Variants in EP400 observed in about 807,000 individuals in gnomAD.
The protein encoded by EP400 is E1A-binding protein p400.
EP400 carries 105 observed loss-of-function variants against 354.1 expected under a neutral mutation model. The observed-to-expected ratio is 0.30, with a 90% CI of 0.25 to 0.35. EP400 has a LOEUF of 0.35. EP400 is among the 10% of genes least tolerant of loss of function. The probability of loss-of-function intolerance (pLI) is 1.00; values close to 1 mark genes in which losing one functional copy is unlikely to be tolerated. For synonymous variants in EP400, 1,646 were observed against 1,716.9 expected, an observed-to-expected ratio of 0.96 and a Z score of 1.02; for missense variants, 3,280 against 4,121.0, an observed-to-expected ratio of 0.80 and a Z score of 5.59.
chr12:131,955,794 G>A (rs1891677873), intron 1 of EP400, among the ~76,000 whole-genome samples: 1 of 151,956 alleles, frequency 6.6e-6, no homozygotes. Context: ...ACAGGAACAT[G>A]CAACCATGCC....
intron 12 of EP400, among the ~76,000 whole-genome samples, chr12:132,003,744 A>G (rs957689674): frequency 1.3e-5 from 2 of 152,204 alleles, no homozygotes; most frequent in South Asian, 4.1e-4. Context: ...AACATCATGG[A>G]CACACCACCT....
rs766158955 is a variant in EP400, at chr12:131,994,913, C to T, written c.2784C>T (p.Gly928=). 3.0e-5 allele frequency: 49 copies of T among 1,613,900 alleles called. No individual in the cohort carries two copies. The highest frequency in any genetic ancestry group is 1.8e-4 in the Admixed American group (11 of 59,992). Residue 928 remains glycine (G), a synonymous_variant, in exon 12 of 53, where the codon GGC becomes GGT. Coordinates refer to ENST00000389561, the MANE Select transcript of EP400 (RefSeq NM_015409.5). The surrounding 1 kb of genome is among the most constrained non-coding windows in gnomAD (Gnocchi z 4.6). The part of the protein sequence containing the change: ...ETIEEEEANE[G]VVDHQTELSN... ...TTGAAGAGGAGGAAGCAAATGAAGG[C>T]GTTGTGGACCACCAAACAGAACTTT...
chr12:132,050,000 A>G (rs1008288151), intron 39 of EP400, among the ~76,000 whole-genome samples: 2 of 152,200 alleles, frequency 1.3e-5, no homozygotes, highest in African/African-American at 2.4e-5. Flanking sequence ...CGCTCCACAC[A>G]GTCACCTGCC....
At chr12:131,951,716 C>G (rs1053727190) in intron 1 of EP400, among the ~76,000 whole-genome samples, 2 of 152,100 alleles carry the variant, frequency 1.3e-5, no homozygotes, top group African/African-American at 4.8e-5. Flanking sequence ...ATTCTCCTGC[C>G]TCAGCATCCC....
At chr12:131,963,937 C>T (rs891843575) in intron 2 of EP400, among the ~76,000 whole-genome samples, 1 of 152,078 alleles carries the variant, frequency 6.6e-6, no homozygotes, top group African/African-American at 2.4e-5. Context: ...TCCTTGTGTG[C>T]TGTGTTTTCA....
chr12:132,045,349 G>C lies in EP400; in HGVS notation c.6815G>C (p.Gly2272Ala). The C allele has an allele frequency of 6.2e-7, 1 of 1,614,222 alleles. No individual in the cohort carries two copies. The highest frequency in any genetic ancestry group is 8.5e-7 in the Non-Finnish European group (1 of 1,180,044). ...GGCAGGAAGAAGAAGCAGCGTCACGGGGAGGCGGTCGTCCCTCCTCGGTCC... is the reference window on the plus strand; with the variant it reads ...GGCAGGAAGAAGAAGCAGCGTCACGCGGAGGCGGTCGTCCCTCCTCGGTCC... The part of the protein sequence containing the change: ...AAGRKKKQRH[G>A]EAVVPPRSLF... Residue 2272 changes from glycine (G) to alanine (A), a missense_variant, in exon 38 of 53, where the codon GGG becomes GCG. By Grantham distance (60) the Gly-to-Ala change is moderately conservative. This residue lies in a region of EP400 where 231 missense variants were observed against 257.9 expected (regional missense o/e 0.90). Transcript: ENST00000389561.
At chr12:132,024,105 G>A (rs1016039704) in intron 24 of EP400, among the ~76,000 whole-genome samples, 164 bp downstream of exon 24, 4 of 152,240 alleles carry the variant, frequency 2.6e-5, no homozygotes, top group African/African-American at 7.2e-5. Flanking sequence ...GCGAGATGAC[G>A]TTCATCAGCC....
At chr12:131,981,619 G>C (rs776276356) in intron 4 of EP400, 23 bp downstream of exon 4, 2 of 1,572,366 alleles carry the variant, frequency 1.3e-6, no homozygotes, top group South Asian at 1.2e-5. Flanking sequence ...AGCAGAGCCA[G>C]CTCCCCGCTC....
intron 1 of EP400, among the ~76,000 whole-genome samples, chr12:131,950,849 G>C (rs887919162): frequency 5.3e-5 from 8 of 152,330 alleles, no homozygotes; most frequent in Admixed American, 5.2e-4. Flanking sequence ...GACCTCCCGA[G>C]TGGTTGGGAC....
At position 131,963,651 on chromosome 12, in the gene EP400, C is replaced by T. The variant is rs148323846; in HGVS notation, c.1335+1697C>T. On this transcript the variant is annotated intron_variant, in intron 2 of 52. Coordinates refer to ENST00000389561, the MANE Select transcript of EP400 (RefSeq NM_015409.5). ...AGCAGCAACCATTTCAGGTACTTTT[C>T]GATGGTTCTCAAATGTAGTCTCATC... is the stretch of plus-strand genomic sequence containing the variant. 11 of 1,593,480 alleles carry T rather than the reference C, an allele frequency of 6.9e-6. No homozygotes were observed. The African/African-American group carries it at 8.0e-5, about 12-fold the overall frequency.
rs1415490826 is a variant in EP400 at position 132,062,293 on chromosome 12, G to A, written c.8068G>A (p.Ala2690Thr). 4 of 1,614,082 alleles carry A rather than the reference G, an allele frequency of 2.5e-6. No homozygotes were observed. The highest frequency in any genetic ancestry group is 3.4e-6 in the Non-Finnish European group (4 of 1,180,038). ...TTNLTPVQTP[A>T]RSLVPQVSQA... ...CAACCTGACCCCAGTGCAGACCCCG[G>A]CACGGTCTTTGGTGCCCCAAGTGTC... The change falls in exon 46 of 53, where the codon GCA (alanine) becomes ACA (threonine). Residue 2690 changes from alanine (A) to threonine (T), a missense_variant. Ala to Thr is a moderately conservative substitution (Grantham distance 58). Coordinates refer to ENST00000389561, the MANE Select transcript of EP400 (RefSeq NM_015409.5).
rs986889052 is a variant in EP400 at position 131,967,989 on chromosome 12, A to G, written c.1335+6035A>G. 8.5e-5 allele frequency among the ~76,000 whole-genome samples: 13 copies of G among 152,292 alleles called. No homozygotes were observed. In the South Asian group the frequency reaches 1.5e-3, roughly 17 times the overall value. ...ATTACTGCATTTGAAAATTCTTCACATAATATGGACATGTTTTTTGTCAGC... is the reference window on the plus strand; with the variant it reads ...ATTACTGCATTTGAAAATTCTTCACGTAATATGGACATGTTTTTTGTCAGC... On this transcript the variant is annotated intron_variant, in intron 2 of 52. Transcript: ENST00000389561.
chr12:131,965,823 C>T (rs1892055897), intron 2 of EP400, among the ~76,000 whole-genome samples: 1 of 152,076 alleles, frequency 6.6e-6, no homozygotes, highest in South Asian at 2.1e-4. Context: ...GAGTGCTATT[C>T]CATTGTGTGA....
chr12:131,987,959 G>A (rs957839882), intron 7 of EP400, 69 bp downstream of exon 7: 2 of 1,210,630 alleles, frequency 1.7e-6, no homozygotes, highest in Non-Finnish European at 2.2e-6. Flanking sequence ...AGTGGTGTAA[G>A]TGGTGGGGAG....
At position 132,070,565 on chromosome 12, in the gene EP400, C is replaced by T. The variant is rs888526706; in HGVS notation, c.9021+924C>T. Among the ~76,000 whole-genome samples the T allele has an allele frequency of 1.3e-5, 2 of 152,214 alleles. No individual in the cohort carries two copies. Among genetic ancestry groups the T allele is most frequent in the Non-Finnish European group, 2.9e-5 (2 of 68,042 alleles). On this transcript the variant is annotated intron_variant, in intron 51 of 52. Coordinates refer to ENST00000389561, the MANE Select transcript of EP400 (RefSeq NM_015409.5). This position sits in a 1 kb window ranked among gnomAD's most constrained non-coding sequence, Gnocchi z 4.1. ...TGCCTATTCTTGGCTCTTTCCACTT[C>T]TGTGTTAATTTTAGTTAGCTTAGTT... is the stretch of plus-strand genomic sequence containing the variant.
At chr12:132,028,926 CTTTCA>C (rs1894394252) in intron 27 of EP400, 1 of 152,738 alleles carries the variant, frequency 6.5e-6, no homozygotes, top group Non-Finnish European at 1.5e-5. Flanking sequence ...CTCAGCTCAG[CTTTCA>C]GGATCTACCT....
In EP400 at chr12:132,018,326, T is replaced by C; in HGVS notation, c.4227T>C (p.Thr1409=). 3.1e-6 allele frequency: 5 copies of C among 1,613,122 alleles called. No homozygotes were observed. The highest frequency in any genetic ancestry group is 4.2e-6 in the Non-Finnish European group (5 of 1,179,756). The stretch of plus-strand genomic sequence containing the variant: ...GGAAACTCATGGAGGAAATCTCCAC[T>C]TCAGCAGCCCCAGCAGCCCGACCAG... ...IPRKLMEEIS[T]SAAPAARPAA... The change falls in exon 21 of 53, where the codon ACT becomes ACC. Residue 1409 remains threonine, a synonymous_variant. Transcript: ENST00000389561. This position sits in a 1 kb window ranked among gnomAD's most constrained non-coding sequence, Gnocchi z 4.0.
intron 23 of EP400, among the ~76,000 whole-genome samples, chr12:132,023,283 C>T (rs1047533254): frequency 1.3e-5 from 2 of 149,864 alleles, no homozygotes; most frequent in Admixed American, 1.3e-4. Context: ...CAGGCGCCCA[C>T]CACCATGCCC....
intron 2 of EP400, among the ~76,000 whole-genome samples, chr12:131,967,428 C>T (rs1335318314): frequency 1.3e-5 from 2 of 151,162 alleles, no homozygotes; most frequent in African/African-American, 4.9e-5. Context: ...TGGCTCATGC[C>T]TGTAATCCCA....
Sources: allele counts gnomAD v4.1 joint callset (sites outside exome capture counted in the v4.1 genomes callset), GRCh38; gene constraint gnomAD v4.1.1; regional missense constraint gnomAD v4.1.1; non-coding constraint Gnocchi (gnomAD v3.1); transcripts MANE v1.5; gene names NCBI Gene and HGNC (gene_info 2026-07-23, HGNC 2026-07-21).